The following CACNA1E variants were observed in gnomAD, a reference collection of about 807,000 sequenced individuals.
The protein encoded by CACNA1E is calcium voltage-gated channel subunit alpha1 E.
A neutral mutation model predicts 259.2 loss-of-function variants in CACNA1E; 40 were observed. The ratio of observed to expected loss-of-function variants is 0.15; its 90% CI spans 0.12 to 0.20. The LOEUF (loss-of-function observed/expected upper bound fraction) is 0.20. Ranked by LOEUF, CACNA1E falls within the 10% of genes least tolerant of loss-of-function variation. CACNA1E has a pLI of 1.00. For missense variants in CACNA1E, 1,874 were observed against 3,040.1 expected (o/e 0.62, Z 9.02); for synonymous variants, 1,104 against 1,138.5 (o/e 0.97, Z 0.61).
intron 3 of CACNA1E, among the ~76,000 whole-genome samples, chr1:181,538,193 C>A (rs1382860131): frequency 1.3e-5 from 2 of 152,126 alleles, no homozygotes; most frequent in African/African-American, 4.8e-5. Flanking sequence ...TGCTTGAAAC[C>A]ATTTTAAATC....
At chr1:181,344,353 T>C (rs12760588) in intron 1 of CACNA1E, among the ~76,000 whole-genome samples, 39 of 152,296 alleles carry the variant, frequency 2.6e-4, no homozygotes, top group Middle Eastern at 3.4e-3. Context: ...ACATGCTTGG[T>C]CTTGCTACTT....
At chr1:181,424,823 G>A (rs943808109) in intron 2 of CACNA1E, among the ~76,000 whole-genome samples, 3 of 151,982 alleles carry the variant, frequency 2.0e-5, no homozygotes, top group Admixed American at 2.0e-4. Context: ...AAGCCGGATC[G>A]GCCCGTTCTG....
intron 1 of CACNA1E, among the ~76,000 whole-genome samples, chr1:181,346,297 TGTA>T (rs1652588862): frequency 6.6e-6 from 1 of 152,260 alleles, no homozygotes; most frequent in South Asian, 2.1e-4. Context: ...ATTTCTCTGC[TGTA>T]GTTTTTCTCC....
intron 6 of CACNA1E, among the ~76,000 whole-genome samples, chr1:181,584,060 A>T (rs994430778): frequency 2.6e-5 from 4 of 152,190 alleles, no homozygotes; most frequent in Middle Eastern, 6.8e-3. Flanking sequence ...GAGAGAAGTG[A>T]CTTTCTTCTG....
At chr1:181,650,297 G>A (rs996184698) in intron 6 of CACNA1E, among the ~76,000 whole-genome samples, 26 of 152,328 alleles carry the variant, frequency 1.7e-4, no homozygotes, top group Middle Eastern at 3.4e-3. Context: ...TAGCTTGTGA[G>A]TTTTAGGCAT....
rs368162082 is a variant in CACNA1E at position 181,790,529 on chromosome 1, C to T, written c.5871C>T (p.Asp1957=). ...TGGCTTGTATGGACCCCGCCGATGA[C>T]GGACAGTTCCAAGAACGGCAGTCTC... The part of the protein sequence containing the change: ...FQLACMDPAD[D]GQFQERQSLE... The change falls in exon 44 of 48, where the codon GAC becomes GAT. Residue 1957 remains aspartate, a synonymous_variant. Transcript: ENST00000367573. 748 of 1,610,688 alleles carry T rather than the reference C, an allele frequency of 4.6e-4. 4 individuals are homozygous for T. Among genetic ancestry groups the T allele is most frequent in the Non-Finnish European group, 5.9e-4 (693 of 1,176,808 alleles).
chr1:181,385,521 C>T (rs1655780326), intron 1 of CACNA1E, among the ~76,000 whole-genome samples: 1 of 152,138 alleles, frequency 6.6e-6, no homozygotes, highest in Non-Finnish European at 1.5e-5. Flanking sequence ...TTTATAAGCG[C>T]GTCCTTGAAT....
intron 2 of CACNA1E, among the ~76,000 whole-genome samples, chr1:181,429,678 C>A (rs960793304): frequency 2.6e-5 from 4 of 152,228 alleles, no homozygotes; most frequent in Admixed American, 2.0e-4. Flanking sequence ...TTATTAGGCT[C>A]TGTCCTGCTT....
intron 3 of CACNA1E, among the ~76,000 whole-genome samples, chr1:181,539,403 G>T (rs964728273): frequency 6.6e-6 from 1 of 152,188 alleles, no homozygotes; most frequent in Non-Finnish European, 1.5e-5. Context: ...ATTAATGAAT[G>T]AATGAATGGC....
intron 16 of CACNA1E, among the ~76,000 whole-genome samples, chr1:181,723,838 C>T (rs970006007): frequency 3.9e-5 from 6 of 152,198 alleles, no homozygotes; most frequent in Non-Finnish European, 8.8e-5. Context: ...CATTCATATC[C>T]TCTCCGGGAG....
At chr1:181,638,698 C>T (rs564283880) in intron 6 of CACNA1E, among the ~76,000 whole-genome samples, 78 of 152,272 alleles carry the variant, frequency 5.1e-4, no homozygotes, top group Non-Finnish European at 1.0e-3. Flanking sequence ...GGAGAGACCA[C>T]GTAGAGGTGA....
chr1:181,663,848 G>C (rs927002276), intron 7 of CACNA1E, among the ~76,000 whole-genome samples: 2 of 152,020 alleles, frequency 1.3e-5, no homozygotes, highest in African/African-American at 4.8e-5. Flanking sequence ...CCATAAATTG[G>C]CATATTTATC....
intron 6 of CACNA1E, among the ~76,000 whole-genome samples, chr1:181,632,365 G>T (rs1381083580): frequency 6.6e-6 from 1 of 152,136 alleles, no homozygotes; most frequent in African/African-American, 2.4e-5. Context: ...TATTCCAAGT[G>T]CTGCCACTGG....
At position 181,651,388 on chromosome 1, in the gene CACNA1E, C is replaced by T. The variant is rs777182809; in HGVS notation, c.1002C>T (p.Leu334=). Residue 334 remains leucine, a synonymous_variant, in exon 7 of 48, where the codon CTC becomes CTT. Coordinates refer to ENST00000367573, the MANE Select transcript of CACNA1E (RefSeq NM_001205293.3). ...GGAATTGGCTGTACTTCATCCCCCT[C>T]ATCATCATTGGATCCTTCTTTGTTC... is the stretch of plus-strand genomic sequence containing the variant. ...ATWNWLYFIP[L]IIIGSFFVLN... 1 of 1,613,912 alleles carries T rather than the reference C, an allele frequency of 6.2e-7. No individual in the cohort carries two copies.
chr1:181,544,290 T>C (rs1452152816), intron 3 of CACNA1E, among the ~76,000 whole-genome samples: 3 of 152,120 alleles, frequency 2.0e-5, no homozygotes, highest in African/African-American at 7.2e-5. Context: ...TACGAAAGGC[T>C]GGTAGAAGTG....
intron 1 of CACNA1E, among the ~76,000 whole-genome samples, chr1:181,357,913 G>A (rs1653574982): frequency 6.6e-6 from 1 of 152,164 alleles, no homozygotes; most frequent in African/African-American, 2.4e-5. Flanking sequence ...TTTCTCTGCT[G>A]CTCATTCGTG....
rs531658274 is a variant in CACNA1E, at chr1:181,788,117, G to C, written c.5786+2298G>C. Among the ~76,000 whole-genome samples, 10 of 152,290 alleles carry C rather than the reference G, an allele frequency of 6.6e-5. No homozygotes were observed. In the East Asian group the frequency reaches 1.7e-3, roughly 26 times the overall value. On this transcript the variant is annotated intron_variant, in intron 43 of 47. Transcript: ENST00000367573. ...GTAAATTATCAGTGATAGTAGCTTG[G>C]ACTAGCAGGATAGAGATGGAGACAG...
intron 3 of CACNA1E, among the ~76,000 whole-genome samples, chr1:181,537,031 T>A (rs990554993): frequency 6.6e-6 from 1 of 151,804 alleles, no homozygotes; most frequent in Admixed American, 6.6e-5. Flanking sequence ...TGTGGTGACA[T>A]GCCTACATTT....
chr1:181,674,817 AAGCATTTCACCTGC>A (rs1482052370), intron 7 of CACNA1E, among the ~76,000 whole-genome samples: 1 of 152,090 alleles, frequency 6.6e-6, no homozygotes, highest in Non-Finnish European at 1.5e-5. Context: ...TGGACCAAAC[AAGCATTTCACCTGC>A]AGGTGCCAGC....
Sources: gnomAD v4.1 joint callset for allele counts (sites outside exome capture counted in the v4.1 genomes callset) on GRCh38, gnomAD v4.1.1 for gene constraint, MANE v1.5 for transcripts, NCBI Gene and HGNC (gene_info 2026-07-23, HGNC 2026-07-21) for gene names.